The following SAMMSON variants were observed in gnomAD, a reference collection of about 807,000 sequenced individuals.
SAMMSON encodes the protein survival associated mitochondrial melanoma specific oncogenic non-coding RNA.
rs184023832 is a variant in SAMMSON, at chr3:70,082,437, G to A, written n.507+10872G>A. On this transcript the variant is annotated intron_variant and non_coding_transcript_variant, in intron 4 of 9. Transcript: ENST00000642114. Reference sequence around the variant, plus strand: ...CAGAAATGACATTTAATCTGAGAATGGAAGGTTAAACAGGAGTTAGGCTAC... The same window carrying A: ...CAGAAATGACATTTAATCTGAGAATAGAAGGTTAAACAGGAGTTAGGCTAC... 1.2e-4 allele frequency among the ~76,000 whole-genome samples: 18 copies of A among 152,284 alleles called. No homozygotes were observed. The East Asian group carries it at 3.3e-3, about 28-fold the overall frequency.
intron 4 of SAMMSON, among the ~76,000 whole-genome samples, chr3:70,152,972 T>C (rs952531108): frequency 2.6e-5 from 4 of 152,058 alleles, no homozygotes; most frequent in African/African-American, 7.2e-5. Flanking sequence ...CAGTCACAAC[T>C]GAATTTCAGT....
chr3:70,382,488 T>C lies in SAMMSON; in HGVS notation n.914-7086T>C, dbSNP rs992916550. ...ACAGCTGGCAGCTGCTACTGGCATT[T>C]AGTAAATGTTGAATTAATAAATAAA... On this transcript the variant is annotated intron_variant and non_coding_transcript_variant, in intron 9 of 9. Transcript: ENST00000642114. Among the ~76,000 whole-genome samples, 6 of 152,260 alleles carry C rather than the reference T, an allele frequency of 3.9e-5. No homozygotes were observed. In the South Asian group the frequency reaches 1.2e-3, roughly 32 times the overall value.
chr3:70,083,613 G>T (rs1261461076), intron 4 of SAMMSON, among the ~76,000 whole-genome samples: 1 of 152,154 alleles, frequency 6.6e-6, no homozygotes, highest in Non-Finnish European at 1.5e-5. Context: ...CAAGGGGGAG[G>T]TCTTCTTCAA....
chr3:70,062,101 A>T (rs1299711728), intron 3 of SAMMSON, among the ~76,000 whole-genome samples: 2 of 152,046 alleles, frequency 1.3e-5, no homozygotes, highest in Admixed American at 6.6e-5. Context: ...CTCTAAGCAC[A>T]TTGCAACCCC....
At chr3:70,403,434 A>C (rs1003097182) in intron 2 of SAMMSON, among the ~76,000 whole-genome samples, 16 of 152,338 alleles carry the variant, frequency 1.1e-4, no homozygotes, top group African/African-American at 3.6e-4. Context: ...TAGTGGTTCA[A>C]AACTGACCCT....
intron 7 of SAMMSON, among the ~76,000 whole-genome samples, chr3:70,309,850 T>C (rs1242171358): frequency 6.6e-6 from 1 of 152,178 alleles, no homozygotes; most frequent in Non-Finnish European, 1.5e-5. Flanking sequence ...CCTGGGAAAT[T>C]AGATTTTATA....
chr3:70,013,522 T>C (rs2066967859), exon 3 of SAMMSON: 1 of 152,122 alleles, frequency 6.6e-6, no homozygotes, highest in Non-Finnish European at 1.5e-5. Context: ...TCTTTCAGGG[T>C]AGTAAGACTG....
chr3:70,421,968 G>A (rs1383288416), intron 2 of SAMMSON, among the ~76,000 whole-genome samples: 1 of 151,948 alleles, frequency 6.6e-6, no homozygotes, highest in Non-Finnish European at 1.5e-5. Context: ...CTAATGTCTG[G>A]TCCATTAAAA....
chr3:70,152,201 C>A (rs1468584221), intron 4 of SAMMSON, among the ~76,000 whole-genome samples: 1 of 151,886 alleles, frequency 6.6e-6, no homozygotes, highest in Non-Finnish European at 1.5e-5. Context: ...AAATTGAACA[C>A]TTGATTTGCG....
rs2067044978 is a variant in SAMMSON, at chr3:70,027,327, G to T, written n.417+13655G>T. On this transcript the variant is annotated intron_variant and non_coding_transcript_variant, in intron 3 of 9. Transcript: ENST00000642114. ...ACTAATTAATTGTGACTCAATTTTT[G>T]TTCTAATACCCTTGAAGACATCAGA... is the stretch of plus-strand genomic sequence containing the variant. Among the ~76,000 whole-genome samples the T allele has an allele frequency of 2.6e-5, 4 of 152,148 alleles. No homozygotes were observed. In the South Asian group the frequency reaches 8.3e-4, roughly 32 times the overall value.
intron 4 of SAMMSON, chr3:70,206,601 G>C (rs982453772): frequency 2.5e-5 from 10 of 397,734 alleles, no homozygotes; most frequent in Admixed American, 4.4e-5. Context: ...TGAAGTATCA[G>C]TTTGGAGGTA....
chr3:70,299,627 A>G (rs185965582), intron 7 of SAMMSON, among the ~76,000 whole-genome samples: 107 of 152,120 alleles, frequency 7.0e-4, no homozygotes, highest in Admixed American at 2.3e-3. Context: ...TTGCCCTGAA[A>G]ACCAATATCT....
At chr3:70,067,401 A>C (rs1422528679) in intron 3 of SAMMSON, among the ~76,000 whole-genome samples, 1 of 152,104 alleles carries the variant, frequency 6.6e-6, no homozygotes, top group Non-Finnish European at 1.5e-5. Context: ...GGGAGATTCA[A>C]GAAAAGGGTA....
Position 70,274,090 on chromosome 3 carries a change from TGCGCGC to T in SAMMSON, n.675-17084_675-17079del, listed in dbSNP as rs1187285721. ...GTGTGTGTGTGTGTGTGTGTGTGTG[TGCGCGC>T]GCGCATGTGTGTGTGTGAGACTGGG... On this transcript the variant is annotated intron_variant and non_coding_transcript_variant, in intron 6 of 9. Coordinates refer to ENST00000642114, the Ensembl canonical transcript of SAMMSON. Among the ~76,000 whole-genome samples, 14 of 145,062 alleles carry T rather than the reference TGCGCGC, an allele frequency of 9.7e-5. No homozygotes were observed. In the South Asian group the frequency reaches 2.2e-3, roughly 23 times the overall value.
chr3:70,136,789 A>G (rs2067507499), intron 4 of SAMMSON, among the ~76,000 whole-genome samples: 5 of 152,230 alleles, frequency 3.3e-5, no homozygotes, highest in Admixed American at 2.0e-4. Flanking sequence ...TGCAAAGTGT[A>G]GAATTTGAAG....
At chr3:70,124,388 T>C (rs2067446991) in intron 4 of SAMMSON, among the ~76,000 whole-genome samples, 1 of 152,232 alleles carries the variant, frequency 6.6e-6, no homozygotes, top group African/African-American at 2.4e-5. Context: ...GAGAAATGCG[T>C]ATTTTTAAAA....
chr3:70,000,141 C>G (rs1002022587), intron 1 of SAMMSON, among the ~76,000 whole-genome samples: 8 of 152,188 alleles, frequency 5.3e-5, no homozygotes, highest in African/African-American at 1.9e-4. Flanking sequence ...TAAGAGAGCA[C>G]CCAGTAACAC....
At chr3:70,055,486 T>A (rs2067163735) in intron 3 of SAMMSON, among the ~76,000 whole-genome samples, 1 of 152,166 alleles carries the variant, frequency 6.6e-6, no homozygotes, top group Non-Finnish European at 1.5e-5. Context: ...TCGTGAACTT[T>A]TTTGAACAAG....
At chr3:70,366,714 A>G (rs1702923372) in intron 9 of SAMMSON, among the ~76,000 whole-genome samples, 1 of 151,666 alleles carries the variant, frequency 6.6e-6, no homozygotes, top group African/African-American at 2.4e-5. Context: ...GCTGAATCAT[A>G]TGGTAAGACT....
Sources: gnomAD v4.1 joint callset for allele counts (sites outside exome capture counted in the v4.1 genomes callset) on GRCh38, gnomAD v4.1.1 for gene constraint, MANE v1.5 for transcripts, NCBI Gene and HGNC (gene_info 2026-07-23, HGNC 2026-07-21) for gene names.